The following LGI1 variants were observed in gnomAD, a reference collection of about 807,000 sequenced individuals.
The protein encoded by LGI1 is leucine rich glioma inactivated 1.
Under a neutral mutation model 57.7 loss-of-function variants are expected in LGI1, and 11 were observed. The observed-to-expected ratio is 0.19, with a 90% CI of 0.12 to 0.32. LGI1 has a LOEUF of 0.32. Ranked by LOEUF, LGI1 falls within the 10% of genes least tolerant of loss-of-function variation. The pLI is 1.00. For missense variants in LGI1, 422 were observed against 661.9 expected, an observed-to-expected ratio of 0.64 and a Z score of 3.98; for synonymous variants, 222 against 241.9, an observed-to-expected ratio of 0.92 and a Z score of 0.76.
Position 93,777,405 on chromosome 10 carries a change from T to G in LGI1, c.314T>G (p.Val105Gly). Residue 105 changes from valine (V) to glycine (G), a missense_variant, in exon 3 of 8, where the codon GTG (valine) becomes GGG (glycine). This residue lies in a region of LGI1 where 63 missense variants were observed against 138.4 expected (regional missense o/e 0.46). Transcript: ENST00000371418. ...LLLFTSNSFD[V>G]ISDDAFIGLP... The stretch of plus-strand genomic sequence containing the variant: ...TTATTCACATCGAACTCCTTTGATG[T>G]GATCAGTGATGATGCTTTTATTGGT... 6.2e-7 allele frequency: 1 copy of G among 1,614,150 alleles called. No individual in the cohort carries two copies. The highest frequency in any genetic ancestry group is 8.5e-7 in the Non-Finnish European group (1 of 1,179,996).
chr10:93,775,092 T>C (rs2059780078), intron 2 of LGI1, among the ~76,000 whole-genome samples: 1 of 152,280 alleles, frequency 6.6e-6, no homozygotes, highest in African/African-American at 2.4e-5. Flanking sequence ...TGAAGTATAA[T>C]ATACATAAAG....
At chr10:93,762,169 C>T (rs1462710193) in intron 2 of LGI1, among the ~76,000 whole-genome samples, 1 of 152,128 alleles carries the variant, frequency 6.6e-6, no homozygotes, top group Admixed American at 6.6e-5. Flanking sequence ...TAAAACAACA[C>T]AAAACAAAAA....
chr10:93,769,304 T>C lies in LGI1; in HGVS notation c.288-8075T>C, dbSNP rs2059710852. On this transcript the variant is annotated intron_variant, in intron 2 of 7. Transcript: ENST00000371418. ...CATCCTGTGCTCTTTCATTTACATA[T>C]ACATATACATATGCAAATAAACCCA... 2.6e-5 allele frequency: 4 copies of C among 152,324 alleles called. No individual in the cohort carries two copies. The South Asian group carries it at 8.3e-4, about 32-fold the overall frequency. 9.4% of individuals were successfully genotyped at this position (152,324 alleles called of 1,614,324 possible).
chr10:93,768,507 C>A (rs1363954858), intron 2 of LGI1: 1 of 152,150 alleles, frequency 6.6e-6, no homozygotes, highest in African/African-American at 2.4e-5. Context: ...CCTTGATGTT[C>A]CAGGACTGGG....
intron 2 of LGI1, among the ~76,000 whole-genome samples, chr10:93,774,056 C>T (rs1488791880): frequency 2.0e-5 from 3 of 152,122 alleles, no homozygotes; most frequent in Admixed American, 2.0e-4. Flanking sequence ...CTAGGCTACA[C>T]GTAGTTATAG....
intron 2 of LGI1, among the ~76,000 whole-genome samples, chr10:93,773,088 AC>A (rs1220947326): frequency 4.0e-5 from 6 of 150,350 alleles, no homozygotes; most frequent in African/African-American, 5.0e-5. Flanking sequence ...AAAAAAAGAA[AC>A]AAAAAAAAAA....
At chr10:93,793,099 A>G in intron 6 of LGI1, 87 bp from the exon 7 acceptor site, 1 of 1,260,064 alleles carries the variant, frequency 7.9e-7, no homozygotes, top group Non-Finnish European at 1.1e-6. Flanking sequence ...TATTCTCTGA[A>G]ATAAATGTAT....
intron 4 of LGI1, among the ~76,000 whole-genome samples, chr10:93,782,424 G>A (rs1373672254): frequency 6.6e-6 from 1 of 152,228 alleles, no homozygotes; most frequent in East Asian, 1.9e-4. Context: ...GTTAATAAAT[G>A]CAAAGTGCTT....
At chr10:93,792,369 G>C (rs776107982) in intron 5 of LGI1, 12 of 223,644 alleles carry the variant, frequency 5.4e-5, no homozygotes, top group Non-Finnish European at 1.1e-4. Flanking sequence ...TATGTATTGG[G>C]TTAAATAAAA....
chr10:93,783,739 C>A (rs182526258), intron 4 of LGI1, among the ~76,000 whole-genome samples: 1 of 152,294 alleles, frequency 6.6e-6, no homozygotes, highest in South Asian at 2.1e-4. Context: ...AGGCTGTGTG[C>A]GGTGGCTCAT....
In LGI1 at chr10:93,758,494, T is replaced by A; in HGVS notation, c.215+135T>A. The A allele has an allele frequency of 1.1e-6, 1 of 937,448 alleles. No homozygotes were observed. Among genetic ancestry groups the A allele is most frequent in the Non-Finnish European group, 1.7e-6 (1 of 590,152 alleles). The allele number at this position is 937,448 out of a possible 1,614,324, so 58.1% of individuals were successfully genotyped here. A position where few individuals can be genotyped will look rare whatever the true frequency, so the allele number is the denominator to read the frequency against. On this transcript the variant is annotated intron_variant, in intron 1 of 7. Coordinates refer to ENST00000371418, the MANE Select transcript of LGI1 (RefSeq NM_005097.4). The surrounding 1 kb of genome is among the most constrained non-coding windows in gnomAD (Gnocchi z 4.7). ...TGCATGCTTGGCCATTTGACAGTGCTAACATTTGCTGCATTTAGAATTTTT... is the reference window on the plus strand; with the variant it reads ...TGCATGCTTGGCCATTTGACAGTGCAAACATTTGCTGCATTTAGAATTTTT...
chr10:93,776,945 C>A, intron 2 of LGI1: 1 of 229,840 alleles, frequency 4.4e-6, no homozygotes, highest in South Asian at 6.4e-5. Flanking sequence ...ACCAGGCATG[C>A]AGCTTACTTT....
In LGI1 at chr10:93,758,710, C is replaced by G. The variant is rs1564837016; in HGVS notation, c.216-50C>G. The G allele has an allele frequency of 7.7e-7, 1 of 1,294,548 alleles. No homozygotes were observed. Among genetic ancestry groups the G allele is most frequent in the Non-Finnish European group, 1.1e-6 (1 of 894,698 alleles). 80.2% of individuals were successfully genotyped at this position (1,294,548 alleles called of 1,614,324 possible). A position where few individuals can be genotyped will look rare whatever the true frequency, so the allele number is the denominator to read the frequency against. ...TAAGGTTTGTTCTGTGTGTGTGTGTCTCTTTGTGTGTGTCTGTTTGTTTGT... is the reference window on the plus strand; with the variant it reads ...TAAGGTTTGTTCTGTGTGTGTGTGTGTCTTTGTGTGTGTCTGTTTGTTTGT... On this transcript the variant is annotated intron_variant, in intron 1 of 7. Transcript: ENST00000371418. The surrounding 1 kb of genome is among the most constrained non-coding windows in gnomAD (Gnocchi z 4.7).
intron 2 of LGI1, among the ~76,000 whole-genome samples, chr10:93,773,921 G>A (rs1269148630): frequency 6.6e-6 from 1 of 152,216 alleles, no homozygotes; most frequent in African/African-American, 2.4e-5. Flanking sequence ...ACAGGGTCCA[G>A]ATCTCTGATC....
chr10:93,774,490 A>T (rs1401828497), intron 2 of LGI1, among the ~76,000 whole-genome samples: 1 of 152,138 alleles, frequency 6.6e-6, no homozygotes, highest in East Asian at 1.9e-4. Flanking sequence ...CCTACCATGG[A>T]TCCAATTCAA....
chr10:93,778,418 C>T (rs140401511), intron 4 of LGI1, among the ~76,000 whole-genome samples: 1 of 152,168 alleles, frequency 6.6e-6, no homozygotes, highest in East Asian at 1.9e-4. Flanking sequence ...CACTCACACA[C>T]ACACTCTCAC....
rs142024924 is a variant in LGI1, at chr10:93,784,736, T to C, written c.432-5363T>C. On this transcript the variant is annotated intron_variant, in intron 4 of 7. Coordinates refer to ENST00000371418, the MANE Select transcript of LGI1 (RefSeq NM_005097.4). ...TATATCTAGTATTAAAATTCAGCTC[T>C]GCTTAACAGCTCTTGGCTAACAGAT... is the stretch of plus-strand genomic sequence containing the variant. Among the ~76,000 whole-genome samples the C allele has an allele frequency of 1.8e-3, 281 of 152,306 alleles. 1 individual carries two copies. The highest frequency in any genetic ancestry group is 0.01 in the Middle Eastern group (3 of 294).
At chr10:93,766,835 A>G (rs2059685500) in intron 2 of LGI1, 1 of 152,124 alleles carries the variant, frequency 6.6e-6, no homozygotes, top group Admixed American at 6.5e-5. Context: ...TGTCATCATC[A>G]TGGTAACCTT....
intron 4 of LGI1, chr10:93,788,845 A>G (rs1326579872): frequency 6.6e-6 from 1 of 152,242 alleles, no homozygotes; most frequent in African/African-American, 2.4e-5. Flanking sequence ...AGGGAAGTTG[A>G]GAGAATTTTC....
Sources: allele counts gnomAD v4.1 joint callset (sites outside exome capture counted in the v4.1 genomes callset), GRCh38; gene constraint gnomAD v4.1.1; regional missense constraint gnomAD v4.1.1; non-coding constraint Gnocchi (gnomAD v3.1); transcripts MANE v1.5; gene names NCBI Gene and HGNC (gene_info 2026-07-23, HGNC 2026-07-21).